The following PKD2L2 variants were observed in gnomAD, a reference collection of about 807,000 sequenced individuals.
PKD2L2 encodes the protein polycystin 2 like 2, transient receptor potential cation channel, also known as polycystin-2-like protein 2.
A neutral mutation model predicts 83.9 loss-of-function variants in PKD2L2; 67 were observed. The observed-to-expected ratio is 0.80, with a 90% CI of 0.66 to 0.98. The LOEUF (loss-of-function observed/expected upper bound fraction) is 0.98, where lower values mean the gene tolerates loss of function less well. PKD2L2 is among the 50% of genes least tolerant of loss of function. The pLI is 0.00. For missense variants in PKD2L2, 632 were observed against 717.2 expected, an observed-to-expected ratio of 0.88 and a Z score of 1.36; for synonymous variants, 223 against 237.8, an observed-to-expected ratio of 0.94 and a Z score of 0.57.
At chr5:137,909,068 AT>A (rs1757596017) in intron 8 of PKD2L2, 122 bp downstream of exon 8, 1 of 606,768 alleles carries the variant, frequency 1.6e-6, no homozygotes, top group African/African-American at 2.0e-5. Context: ...TTAGTTTGAT[AT>A]TTTCTTTTTC....
chr5:137,897,969 A>ATT (rs1239984315), intron 4 of PKD2L2, among the ~76,000 whole-genome samples: 5 of 145,294 alleles, frequency 3.4e-5, no homozygotes, highest in East Asian at 4.0e-4. Flanking sequence ...CAAAAAAAAA[A>ATT]TTTTTTTTTT....
intron 9 of PKD2L2, 58 bp downstream of exon 9, chr5:137,921,814 C>T: frequency 7.9e-7 from 1 of 1,271,964 alleles, no homozygotes; most frequent in South Asian, 1.3e-5. Context: ...AGTAAAATTA[C>T]TCATTTAGAA....
chr5:137,899,955 A>T (rs578102877), intron 5 of PKD2L2, among the ~76,000 whole-genome samples: 1 of 152,354 alleles, frequency 6.6e-6, no homozygotes, highest in East Asian at 1.9e-4. Context: ...CTGAAAAAAA[A>T]TTAAGAAAAA....
chr5:137,928,184 A>G (rs1759531533), intron 12 of PKD2L2, among the ~76,000 whole-genome samples: 1 of 152,200 alleles, frequency 6.6e-6, no homozygotes. Flanking sequence ...AAAGGCTCAA[A>G]CATGCCTGAA....
intron 12 of PKD2L2, among the ~76,000 whole-genome samples, chr5:137,928,383 C>A (rs1447579384): frequency 1.8e-3 from 203 of 111,160 alleles, no homozygotes; most frequent in Non-Finnish European, 2.2e-3. Flanking sequence ...ACAAAAAGTA[C>A]AAAAAAAAAA....
At chr5:137,927,541 G>C (rs1256005331) in intron 12 of PKD2L2, among the ~76,000 whole-genome samples, 1 of 152,014 alleles carries the variant, frequency 6.6e-6, no homozygotes. Context: ...AAACTTGAAA[G>C]AGAAACAGAG....
At position 137,906,198 on chromosome 5, in the gene PKD2L2, T is replaced by C. The variant is rs142714119; in HGVS notation, c.747-8T>C. 1.7e-4 allele frequency: 259 copies of C among 1,563,104 alleles called. 1 individual carries two copies. The African/African-American group carries it at 2.6e-3, about 16-fold the overall frequency. ...TGAACAGTTGCTTTCACAAACCTGA[T>C]TTTACAGATTGGTGGCAGAATTCCC... On this transcript the variant is annotated splice_region_variant and splice_polypyrimidine_tract_variant and intron_variant, in intron 5 of 14. Transcript: ENST00000508883.
At chr5:137,892,690 T>G (rs1756092932) in intron 3 of PKD2L2, 77 bp downstream of exon 3, 3 of 1,082,142 alleles carry the variant, frequency 2.8e-6, no homozygotes, top group Admixed American at 2.6e-5. Flanking sequence ...GGGCACTCAA[T>G]GAATATCTTT....
Position 137,908,938 on chromosome 5 carries a change from G to T in PKD2L2, c.1320G>T (p.Gln440His). 6.3e-7 allele frequency: 1 copy of T among 1,592,590 alleles called. No individual in the cohort carries two copies. Among genetic ancestry groups the T allele is most frequent in the Non-Finnish European group, 8.6e-7 (1 of 1,164,900 alleles). The change falls in exon 8 of 15, where the codon CAG (glutamine) becomes CAT (histidine). Residue 440 changes from glutamine (Q) to histidine (H), a missense_variant. This residue lies in a region of PKD2L2 where 399 missense variants were observed against 416.9 expected (regional missense o/e 0.96). Transcript: ENST00000508883. ...GSQVDDFSTF[Q>H]NSIFAQFRIV... ...AAGTTGATGACTTTTCCACTTTTCA[G>T]AATTCCATGTAAGCTCTTAGTATAA...
intron 12 of PKD2L2, among the ~76,000 whole-genome samples, chr5:137,929,375 T>C (rs1025280845): frequency 6.6e-5 from 10 of 151,102 alleles, no homozygotes; most frequent in African/African-American, 2.2e-4. Context: ...GCAGGAGAAC[T>C]GCTTGAACCT....
In PKD2L2 at chr5:137,907,719, A is replaced by G. The variant is rs749707440; in HGVS notation, c.976-23A>G. 4 of 1,388,052 alleles carry G rather than the reference A, an allele frequency of 2.9e-6. No individual in the cohort carries two copies. In the African/African-American group the frequency reaches 5.8e-5, roughly 20 times the overall value. 86.0% of individuals were successfully genotyped at this position (1,388,052 alleles called of 1,614,324 possible). Reference sequence around the variant, plus strand: ...AGAGGTAGAGATATTCTCTAATTTAACCCTTCTTATTTTCCCATTTAGTTG... The same window carrying G: ...AGAGGTAGAGATATTCTCTAATTTAGCCCTTCTTATTTTCCCATTTAGTTG... On this transcript the variant is annotated intron_variant, in intron 6 of 14. Transcript: ENST00000508883.
At chr5:137,893,874 C>T (rs1756210995) in intron 3 of PKD2L2, among the ~76,000 whole-genome samples, 1 of 152,058 alleles carries the variant, frequency 6.6e-6, no homozygotes, top group East Asian at 1.9e-4. Context: ...ATGTATGTGG[C>T]CAATGGCAGA....
At chr5:137,901,305 A>G (rs1013408051) in intron 5 of PKD2L2, among the ~76,000 whole-genome samples, 4 of 152,194 alleles carry the variant, frequency 2.6e-5, no homozygotes, top group African/African-American at 9.6e-5. Flanking sequence ...GCTTTTGCCA[A>G]GCAAGTGGCA....
intron 8 of PKD2L2, among the ~76,000 whole-genome samples, chr5:137,912,686 GATTAGTGATGTTGAC>G: frequency 6.6e-6 from 1 of 151,276 alleles, no homozygotes; most frequent in Admixed American, 6.6e-5. Context: ...TTTTCCTGAT[GATTAGTGATGTTGAC>G]CATTTTTTCA....
Position 137,921,722 on chromosome 5 carries a change from T to C in PKD2L2, c.1415T>C (p.Ile472Thr). The C allele has an allele frequency of 6.2e-7, 1 of 1,608,578 alleles. No homozygotes were observed. Among genetic ancestry groups the C allele is most frequent in the South Asian group, 1.1e-5 (1 of 90,406 alleles). Reference sequence around the variant, plus strand: ...CCTATCTTGGGACCCATTTACTTCATCACTTTCATCTTTTTTGTGTTCTTT... The same window carrying C: ...CCTATCTTGGGACCCATTTACTTCACCACTTTCATCTTTTTTGTGTTCTTT... ...ANPILGPIYF[I>T]TFIFFVFFVL... Residue 472 changes from isoleucine (I) to threonine (T), a missense_variant, in exon 9 of 15, where the codon ATC becomes ACC. Coordinates refer to ENST00000508883, the MANE Select transcript of PKD2L2 (RefSeq NM_001300921.2).
At position 137,936,367 on chromosome 5, in the gene PKD2L2, A is replaced by G. The variant is rs1175506747; in HGVS notation, c.1832A>G (p.Asn611Ser). The change falls in exon 14 of 15, where the codon AAT (asparagine) becomes AGT (serine). Residue 611 changes from asparagine to serine, a missense_variant. By Grantham distance (46) the Asn-to-Ser change is conservative. Transcript: ENST00000508883. ...CTGGAGAAGGAATTACACTACATCA[A>G]TTTGAAGCTAAATCAAGTGGTGAGA... ...VELEKELHYINLKLNQVVRKV... is the reference protein window; with the variant it reads ...VELEKELHYISLKLNQVVRKV... The G allele has an allele frequency of 7.8e-6, 12 of 1,534,004 alleles. No individual in the cohort carries two copies. The East Asian group carries it at 2.0e-4, about 25-fold the overall frequency.
intron 8 of PKD2L2, among the ~76,000 whole-genome samples, chr5:137,910,462 CT>C (rs890764652): frequency 2.6e-5 from 4 of 151,798 alleles, no homozygotes; most frequent in African/African-American, 9.7e-5. Flanking sequence ...GATCAATCTC[CT>C]CTTGAGGACA....
intron 3 of PKD2L2, among the ~76,000 whole-genome samples, chr5:137,893,624 T>C (rs564335768): frequency 3.9e-4 from 60 of 152,170 alleles, no homozygotes; most frequent in Non-Finnish European, 7.8e-4. Context: ...TGTTTGGTAT[T>C]GTGAGCATAT....
chr5:137,940,998 C>T (rs1430720853), intron 14 of PKD2L2, among the ~76,000 whole-genome samples: 2 of 152,296 alleles, frequency 1.3e-5, no homozygotes, highest in African/African-American at 2.4e-5. Context: ...CTCCGCCTCC[C>T]GGATTCACGC....
Sources: gnomAD v4.1 joint callset for allele counts (sites outside exome capture counted in the v4.1 genomes callset) on GRCh38, gnomAD v4.1.1 for gene constraint, gnomAD v4.1.1 regional missense constraint, MANE v1.5 for transcripts, NCBI Gene and HGNC (gene_info 2026-07-23, HGNC 2026-07-21) for gene names.